ESR2: variants seen among roughly 807,000 people sequenced by gnomAD.
The protein encoded by ESR2 is estrogen receptor 2.
Under a neutral mutation model 49.6 loss-of-function variants are expected in ESR2, and 36 were observed. The ratio of observed to expected loss-of-function variants is 0.73; its 90% CI spans 0.56 to 0.96. The LOEUF (loss-of-function observed/expected upper bound fraction) is 0.96. ESR2 is among the 40% of genes least tolerant of loss of function. The pLI, the probability that ESR2 is intolerant of heterozygous loss-of-function variation, is 0.00. For missense variants in ESR2, 714 were observed against 693.0 expected (o/e 1.03, Z -0.34); for synonymous variants, 320 against 266.1 (o/e 1.20, Z -1.97).
At chr14:64,287,252 A>G (rs2076799176) in intron 1 of ESR2, among the ~76,000 whole-genome samples, 1 of 152,100 alleles carries the variant, frequency 6.6e-6, no homozygotes, top group South Asian at 2.1e-4. Flanking sequence ...TTCTGTCTCT[A>G]TGGATGTGAT....
chr14:64,245,527 AAAAAAAAAAG>A (rs2075835430), intron 7 of ESR2, among the ~76,000 whole-genome samples: 1 of 151,592 alleles, frequency 6.6e-6, no homozygotes, highest in African/African-American at 2.4e-5. Flanking sequence ...AAAAAAAAAA[AAAAAAAAAAG>A]ATTTCTTAAA....
At chr14:64,291,891 AAGT>A (rs1263021996) in intron 1 of ESR2, among the ~76,000 whole-genome samples, 1 of 152,154 alleles carries the variant, frequency 6.6e-6, no homozygotes, top group African/African-American at 2.4e-5. Flanking sequence ...GTATAATGAA[AAGT>A]AGTTTTTTTT....
In ESR2 at chr14:64,232,104, T is replaced by C. The variant is rs528930460; in HGVS notation, c.*1033A>G. Reference sequence around the variant, plus strand: ...GCGTACTCATCAAGGCTATACAGTGTGGCCCCAGAGCTGACACACTGGGGT... The same window carrying C: ...GCGTACTCATCAAGGCTATACAGTGCGGCCCCAGAGCTGACACACTGGGGT... On this transcript the variant is annotated 3_prime_UTR_variant, in exon 9 of 9. Transcript: ENST00000341099. 1 of 152,324 alleles carries C rather than the reference T, an allele frequency of 6.6e-6. No individual in the cohort carries two copies. The highest frequency in any genetic ancestry group is 1.5e-5 in the Non-Finnish European group (1 of 68,040). 9.4% of individuals were successfully genotyped at this position (152,324 alleles called of 1,614,324 possible).
intron 7 of ESR2, among the ~76,000 whole-genome samples, chr14:64,241,744 AATTG>A (rs2075732248): frequency 6.6e-6 from 1 of 152,220 alleles, no homozygotes; most frequent in South Asian, 2.1e-4. Flanking sequence ...ACAGAAATAC[AATTG>A]ATTTATATAT....
At chr14:64,328,308 A>G (rs2077414034) in intron 1 of ESR2, among the ~76,000 whole-genome samples, 1 of 152,168 alleles carries the variant, frequency 6.6e-6, no homozygotes, top group Non-Finnish European at 1.5e-5. Flanking sequence ...AGTCCCAGGT[A>G]CTCAGGAGGC....
At chr14:64,323,221 T>G (rs556057414) in intron 1 of ESR2, among the ~76,000 whole-genome samples, 1 of 152,320 alleles carries the variant, frequency 6.6e-6, no homozygotes, top group East Asian at 1.9e-4. Context: ...TTTTGTTTGT[T>G]TTTTGAGACA....
chr14:64,274,353 G>C (rs934440543), intron 3 of ESR2, among the ~76,000 whole-genome samples: 1 of 152,012 alleles, frequency 6.6e-6, no homozygotes, highest in Non-Finnish European at 1.5e-5. Context: ...ATGTGGTCTA[G>C]GAATTTATCC....
intron 1 of ESR2, among the ~76,000 whole-genome samples, chr14:64,315,051 C>T (rs192050870): frequency 1.3e-5 from 2 of 150,554 alleles, no homozygotes; most frequent in Non-Finnish European, 3.0e-5. Flanking sequence ...TCAAGACCAG[C>T]CTGGCAACAT....
chr14:64,262,926 A>G (rs2140738123), intron 4 of ESR2, among the ~76,000 whole-genome samples: 1 of 152,340 alleles, frequency 6.6e-6, no homozygotes. Flanking sequence ...ATAAAAGGGA[A>G]TTGAAACAGA....
chr14:64,279,198 C>G (rs2076615866), intron 3 of ESR2, among the ~76,000 whole-genome samples: 1 of 152,206 alleles, frequency 6.6e-6, no homozygotes, highest in Non-Finnish European at 1.5e-5. Flanking sequence ...CAATGTACAT[C>G]TTACATGCAT....
rs5809223 is a variant in ESR2 at position 64,261,236 on chromosome 14, T to C, written c.653-488A>G. Among the ~76,000 whole-genome samples the C allele has an allele frequency of 7.8e-3, 562 of 72,080 alleles. 16 individuals are homozygous for C. Among genetic ancestry groups the C allele is most frequent in the African/African-American group, 0.029 (505 of 17,376 alleles). 47.3% of individuals were successfully genotyped at this position (72,080 alleles called of 152,430 possible). A position where few individuals can be genotyped will look rare whatever the true frequency, so the allele number is the denominator to read the frequency against. ...CTTTTTAATGCTTTTATTTTTCTTTTTTCTTTTTTTTTTTTTTTTGAGACG... is the reference window on the plus strand; with the variant it reads ...CTTTTTAATGCTTTTATTTTTCTTTCTTCTTTTTTTTTTTTTTTTGAGACG... On this transcript the variant is annotated intron_variant, in intron 4 of 8. Transcript: ENST00000341099.
chr14:64,332,939 C>T (rs1242692386), intron 1 of ESR2, among the ~76,000 whole-genome samples: 5 of 145,968 alleles, frequency 3.4e-5, no homozygotes, highest in African/African-American at 5.1e-5. Context: ...GGCAGTGGCG[C>T]GATCTCAGCT....
rs546699603 is a variant in ESR2, at chr14:64,326,357, C to T, written c.-91+11541G>A. 2.6e-5 allele frequency among the ~76,000 whole-genome samples: 4 copies of T among 152,242 alleles called. No individual in the cohort carries two copies. The South Asian group carries it at 8.3e-4, about 32-fold the overall frequency. On this transcript the variant is annotated intron_variant, in intron 1 of 8. Transcript: ENST00000358599. ...CCATAATTCAAGATTTCAGGGGTCA[C>T]AGTAGATGATCGATCCAATAATACA...
chr14:64,246,404 A>T (rs892555557), intron 7 of ESR2, among the ~76,000 whole-genome samples: 2 of 152,044 alleles, frequency 1.3e-5, no homozygotes, highest in African/African-American at 4.8e-5. Flanking sequence ...TGAAGAAGGT[A>T]TCTTGCTTCC....
At chr14:64,260,046 A>C (rs1464654308) in intron 5 of ESR2, 1 of 447,650 alleles carries the variant, frequency 2.2e-6, no homozygotes, top group Non-Finnish European at 4.5e-6. Flanking sequence ...CTCCCAGACC[A>C]CCTCTAGGCA....
intron 7 of ESR2, among the ~76,000 whole-genome samples, chr14:64,242,822 A>G (rs940934837): frequency 1.5e-5 from 2 of 136,002 alleles, no homozygotes; most frequent in Non-Finnish European, 3.1e-5. Context: ...TGATAGACAT[A>G]CCCAAGACTG....
chr14:64,276,083 G>T (rs913224901), intron 3 of ESR2, among the ~76,000 whole-genome samples: 19 of 152,198 alleles, frequency 1.2e-4, no homozygotes, highest in African/African-American at 4.6e-4. Context: ...ATGCGCAAAA[G>T]TTTATATAAT....
At chr14:64,269,910 G>T (rs2076404770) in intron 3 of ESR2, among the ~76,000 whole-genome samples, 1 of 152,172 alleles carries the variant, frequency 6.6e-6, no homozygotes, top group African/African-American at 2.4e-5. Context: ...AACTGATGAG[G>T]CCAGGAGACC....
intron 4 of ESR2, among the ~76,000 whole-genome samples, chr14:64,264,884 A>G (rs1198353382): frequency 5.3e-5 from 8 of 151,890 alleles, no homozygotes; most frequent in Non-Finnish European, 1.2e-4. Context: ...CTCAAAAAAA[A>G]AAAAAGAAAA....
Sources: gnomAD v4.1 joint callset for allele counts (sites outside exome capture counted in the v4.1 genomes callset) on GRCh38, gnomAD v4.1.1 for gene constraint, MANE v1.5 for transcripts, NCBI Gene and HGNC (gene_info 2026-07-23, HGNC 2026-07-21) for gene names.